Variants in ANKFN1 observed in about 807,000 individuals in gnomAD.
ANKFN1 encodes the protein ankyrin repeat and fibronectin type III domain containing 1.
Under a neutral mutation model 108.7 loss-of-function variants are expected in ANKFN1, and 74 were observed. That is an observed-to-expected ratio of 0.68 (90% confidence interval 0.56 to 0.83). The LOEUF is 0.83. ANKFN1 is among the 40% of genes least tolerant of loss of function. The pLI, the probability that ANKFN1 is intolerant of heterozygous loss-of-function variation, is 0.00. For missense variants in ANKFN1, 1,505 were observed against 1,382.3 expected (o/e 1.09, Z -1.41); for synonymous variants, 547 against 516.2 (o/e 1.06, Z -0.81).
chr17:56,325,196 T>C (rs551517700), intron 3 of ANKFN1, among the ~76,000 whole-genome samples: 7 of 152,190 alleles, frequency 4.6e-5, no homozygotes, highest in African/African-American at 1.4e-4. Flanking sequence ...CAGCTAAACA[T>C]TCATTTGGCA....
At chr17:56,435,564 G>A (rs2048903822) in intron 8 of ANKFN1, among the ~76,000 whole-genome samples, 1 of 152,138 alleles carries the variant, frequency 6.6e-6, no homozygotes, top group African/African-American at 2.4e-5. Flanking sequence ...ACAAGCAATG[G>A]CTGGGTCTAA....
chr17:56,259,039 A>G (rs1404125033), intron 3 of ANKFN1, among the ~76,000 whole-genome samples: 2 of 152,364 alleles, frequency 1.3e-5, no homozygotes, highest in Non-Finnish European at 2.9e-5. Context: ...AGTGCTTATT[A>G]TATCTAGACA....
intron 4 of ANKFN1, among the ~76,000 whole-genome samples, chr17:56,113,404 A>C (rs1277174322): frequency 1.3e-5 from 2 of 152,238 alleles, no homozygotes; most frequent in Non-Finnish European, 2.9e-5. Flanking sequence ...GACTTCTTTA[A>C]TGAGGCAGCA....
intron 6 of ANKFN1, among the ~76,000 whole-genome samples, chr17:56,358,365 C>T (rs1474315976): frequency 6.6e-6 from 1 of 152,122 alleles, no homozygotes; most frequent in Non-Finnish European, 1.5e-5. Flanking sequence ...TCAGGCCTGT[C>T]TTCTATCTTG....
intron 1 of ANKFN1, among the ~76,000 whole-genome samples, chr17:56,192,308 A>G (rs1336590645): frequency 7.6e-6 from 1 of 131,396 alleles, no homozygotes; most frequent in Non-Finnish European, 1.6e-5. Context: ...CTAGAAGAAA[A>G]CCTAGGCATT....
intron 4 of ANKFN1, among the ~76,000 whole-genome samples, chr17:56,128,370 T>C (rs1343403691): frequency 6.6e-6 from 1 of 152,108 alleles, no homozygotes; most frequent in Non-Finnish European, 1.5e-5. Flanking sequence ...AATCCTGAAG[T>C]GGGTGAAAGA....
At chr17:56,072,559 A>G (rs925667556) in intron 4 of ANKFN1, among the ~76,000 whole-genome samples, 3 of 152,210 alleles carry the variant, frequency 2.0e-5, no homozygotes, top group African/African-American at 4.8e-5. Context: ...CCCTTTTAAC[A>G]GCATAAATTC....
chr17:56,087,173 T>C (rs1905331619), intron 4 of ANKFN1, among the ~76,000 whole-genome samples: 1 of 151,354 alleles, frequency 6.6e-6, no homozygotes, highest in South Asian at 2.1e-4. Flanking sequence ...TGTTTGATTC[T>C]GTGTCTGTAC....
At chr17:56,305,251 A>G (rs2044787533) in intron 3 of ANKFN1, among the ~76,000 whole-genome samples, 1 of 152,206 alleles carries the variant, frequency 6.6e-6, no homozygotes, top group African/African-American at 2.4e-5. Context: ...ATTACCTCCC[A>G]CTGGCTCCCT....
intron 4 of ANKFN1, among the ~76,000 whole-genome samples, chr17:56,137,023 A>C (rs545904310): frequency 6.6e-6 from 1 of 152,332 alleles, no homozygotes; most frequent in East Asian, 1.9e-4. Flanking sequence ...CCATTTATTC[A>C]AGAAACATCT....
chr17:56,270,498 A>T (rs896690219), intron 3 of ANKFN1, among the ~76,000 whole-genome samples: 1 of 152,086 alleles, frequency 6.6e-6, no homozygotes, highest in East Asian at 1.9e-4. Context: ...AATCACCATC[A>T]TCCTACCTCT....
intron 3 of ANKFN1, among the ~76,000 whole-genome samples, chr17:56,262,519 A>G (rs1233294545): frequency 1.3e-5 from 2 of 152,178 alleles, no homozygotes; most frequent in Non-Finnish European, 2.9e-5. Context: ...TGGAAATTCA[A>G]AAGTTACCCA....
At chr17:56,328,517 G>A (rs989229210) in intron 4 of ANKFN1, among the ~76,000 whole-genome samples, 1 of 152,144 alleles carries the variant, frequency 6.6e-6, no homozygotes, top group Admixed American at 6.5e-5. Flanking sequence ...TAACCCAAAG[G>A]ATGTGGAATT....
chr17:56,333,634 C>A (rs564064917), intron 4 of ANKFN1, among the ~76,000 whole-genome samples: 1 of 151,768 alleles, frequency 6.6e-6, no homozygotes, highest in African/African-American at 2.4e-5. Flanking sequence ...TGGTCCATAC[C>A]TTTTTTTTCA....
chr17:56,290,716 G>C (rs2044339404), intron 3 of ANKFN1, among the ~76,000 whole-genome samples: 1 of 152,172 alleles, frequency 6.6e-6, no homozygotes, highest in Non-Finnish European at 1.5e-5. Flanking sequence ...TTGCAGTCCA[G>C]TTTAGGCAGG....
At chr17:56,217,958 T>A (rs931352367) in intron 2 of ANKFN1, among the ~76,000 whole-genome samples, 50 of 152,276 alleles carry the variant, frequency 3.3e-4, no homozygotes, top group African/African-American at 1.2e-3. Context: ...CTCCACAAAT[T>A]CAACGTGTCT....
chr17:56,163,916 G>A (rs960760231), intron 1 of ANKFN1, among the ~76,000 whole-genome samples: 6 of 152,202 alleles, frequency 3.9e-5, no homozygotes, highest in East Asian at 1.9e-4. Flanking sequence ...TCTTTCCTCA[G>A]TGTAGGCGTA....
chr17:56,235,932 A>C (rs1917103049), intron 3 of ANKFN1, among the ~76,000 whole-genome samples: 1 of 152,204 alleles, frequency 6.6e-6, no homozygotes, highest in African/African-American at 2.4e-5. Flanking sequence ...TGAATCTGCA[A>C]ATCACTTTAG....
intron 17 of ANKFN1, among the ~76,000 whole-genome samples, chr17:56,481,271 A>C (rs2050693615): frequency 6.6e-6 from 1 of 152,086 alleles, no homozygotes; most frequent in Non-Finnish European, 1.5e-5. Flanking sequence ...ATGCCATGCT[A>C]TTTTTTCTCA....
Sources: allele counts gnomAD v4.1 joint callset (sites outside exome capture counted in the v4.1 genomes callset), GRCh38; gene constraint gnomAD v4.1.1; transcripts MANE v1.5; gene names NCBI Gene and HGNC (gene_info 2026-07-23, HGNC 2026-07-21).